DMD: variants seen among roughly 807,000 people sequenced by gnomAD.
DMD encodes the protein dystrophin.
A neutral mutation model predicts 330.1 loss-of-function variants in DMD; 63 were observed. The ratio of observed to expected loss-of-function variants is 0.19; its 90% CI spans 0.16 to 0.24. DMD has a LOEUF of 0.24. Ranked by LOEUF, DMD falls within the 10% of genes least tolerant of loss-of-function variation. The pLI is 1.00. For synonymous variants in DMD, 1,223 were observed against 959.8 expected (o/e 1.27, Z -5.07); for missense variants, 3,344 against 2,684.1 (o/e 1.25, Z -5.43).
At chrX:32,875,061 GA>G (rs1282466261) in intron 2 of DMD, among the ~76,000 whole-genome samples, 1 of 112,076 alleles carries the variant, frequency 8.9e-6, no homozygotes, top group Non-Finnish European at 1.9e-5. Context: ...AAAGATAAAA[GA>G]GATGTTATTT....
chrX:31,217,791 A>AGTT (rs2045569420), intron 64 of DMD, among the ~76,000 whole-genome samples: 1 of 112,323 alleles, frequency 8.9e-6, no homozygotes, highest in African/African-American at 3.2e-5. Flanking sequence ...TTCATTCTAT[A>AGTT]GTTTTACTAT....
Position 31,204,129 on chromosome X carries a change from A to C in DMD, c.9650-11T>G. On this transcript the variant is annotated splice_polypyrimidine_tract_variant and intron_variant, in intron 66 of 78. Coordinates refer to ENST00000357033, the MANE Select transcript of DMD (RefSeq NM_004006.3). ...CTTGCTTGAAAAGGTCTACAAAGGA[A>C]GAAGAAAATTGCAACAGTCAAAACA... The C allele has an allele frequency of 8.3e-7, 1 of 1,209,399 alleles. No individual in the cohort carries two copies. The highest frequency in any genetic ancestry group is 1.1e-6 in the Non-Finnish European group (1 of 893,658).
chrX:31,179,347 C>T (rs1201349486), intron 69 of DMD, among the ~76,000 whole-genome samples: 1 of 112,592 alleles, frequency 8.9e-6, no homozygotes, highest in Non-Finnish European at 1.9e-5. Context: ...CAGAGCTTCT[C>T]ATACTTTGTT....
intron 46 of DMD, 43 bp from the exon 47 acceptor site, chrX:31,929,788 A>G: frequency 8.4e-7 from 1 of 1,197,362 alleles, no homozygotes; most frequent in Non-Finnish European, 1.1e-6. Flanking sequence ...GAATTACAGC[A>G]CAATTCCAAC....
chrX:32,500,871 A>G (rs191166466), intron 19 of DMD, among the ~76,000 whole-genome samples: 35 of 112,207 alleles, frequency 3.1e-4, no homozygotes, highest in Non-Finnish European at 5.5e-4. Flanking sequence ...GGCAAAAAAT[A>G]ACTTATACAC....
At chrX:32,340,131 C>A (rs182992754) in intron 41 of DMD, among the ~76,000 whole-genome samples, 5 of 111,633 alleles carry the variant, frequency 4.5e-5, no homozygotes, top group East Asian at 5.6e-4. Context: ...TATCTATCTA[C>A]CTACCAACCT....
chrX:32,859,509 AC>A (rs2081909466), intron 2 of DMD, among the ~76,000 whole-genome samples: 1 of 96,757 alleles, frequency 1.0e-5, no homozygotes, highest in Non-Finnish European at 2.0e-5. Context: ...ACACACACAC[AC>A]AAGTTAAAGT....
intron 6 of DMD, among the ~76,000 whole-genome samples, chrX:32,814,855 A>G (rs2077606010): frequency 9.0e-6 from 1 of 111,678 alleles, no homozygotes; most frequent in Non-Finnish European, 1.9e-5. Context: ...GAGAGCCAAC[A>G]AGGACCACAT....
At chrX:32,552,476 G>T (rs1301149820) in intron 16 of DMD, among the ~76,000 whole-genome samples, 1 of 111,564 alleles carries the variant, frequency 9.0e-6, no homozygotes, top group Non-Finnish European at 1.9e-5. Flanking sequence ...AACCTAAGAA[G>T]ATAACCCAGG....
chrX:31,474,519 T>C (rs2067577487), intron 59 of DMD, among the ~76,000 whole-genome samples: 1 of 103,191 alleles, frequency 9.7e-6, no homozygotes, highest in Non-Finnish European at 2.0e-5. Context: ...CTGGCCAACA[T>C]GGTGAAACCC....
chrX:31,546,147 G>A (rs5972406), intron 55 of DMD, among the ~76,000 whole-genome samples: 12,323 of 112,011 alleles, frequency 0.11, 714 homozygotes, highest in African/African-American at 0.21. Context: ...GACAAAAACA[G>A]CAATGGCAGC....
chrX:32,840,819 C>T (rs1266018494), intron 4 of DMD, among the ~76,000 whole-genome samples: 4 of 111,939 alleles, frequency 3.6e-5, no homozygotes, highest in Non-Finnish European at 7.5e-5. Context: ...ATAGTCACTT[C>T]CAGTTTGGGC....
At chrX:31,145,613 C>A (rs2036587827) in intron 76 of DMD, among the ~76,000 whole-genome samples, 2 of 110,169 alleles carry the variant, frequency 1.8e-5, no homozygotes, top group South Asian at 7.9e-4. Flanking sequence ...CCTCTCCCTT[C>A]ATTCCTCTTC....
chrX:32,281,809 A>T (rs2097421745), intron 43 of DMD, among the ~76,000 whole-genome samples: 1 of 111,706 alleles, frequency 9.0e-6, no homozygotes, highest in Non-Finnish European at 1.9e-5. Flanking sequence ...TTCTTTCTCT[A>T]ATTTTTTTAG....
At chrX:32,035,232 A>T (rs893645069) in intron 44 of DMD, among the ~76,000 whole-genome samples, 3 of 111,667 alleles carry the variant, frequency 2.7e-5, no homozygotes, top group Admixed American at 9.6e-5. Flanking sequence ...TACTCAACTG[A>T]TCCTGAAGTT....
Position 33,205,320 on chromosome X carries a change from A to G in DMD, c.31+5962T>C, listed in dbSNP as rs1440702392. ...ATACATCGTTCTTAAGCACCAACAT[A>G]AAAAGGAATTACTCAATTTGCCTTT... is the stretch of plus-strand genomic sequence containing the variant. On this transcript the variant is annotated intron_variant, in intron 1 of 78. Transcript: ENST00000357033. 2.7e-5 allele frequency among the ~76,000 whole-genome samples: 3 copies of G among 112,493 alleles called. No individual in the cohort carries two copies. In the East Asian group the frequency reaches 8.3e-4, roughly 31 times the overall value.
chrX:32,526,572 T>TACAA (rs1281004921), intron 17 of DMD, among the ~76,000 whole-genome samples: 1 of 111,688 alleles, frequency 9.0e-6, no homozygotes, highest in Admixed American at 9.6e-5. Flanking sequence ...TATTATATTG[T>TACAA]ACAAACAGAC....
intron 4 of DMD, among the ~76,000 whole-genome samples, chrX:32,823,730 C>CCA (rs1569529228): frequency 9.0e-6 from 1 of 111,577 alleles, no homozygotes; most frequent in African/African-American, 3.3e-5. Context: ...ACCAGTACTT[C>CCA]CACCTAGCTC....
At chrX:32,952,410 G>T (rs1344246360) in intron 2 of DMD, among the ~76,000 whole-genome samples, 1 of 111,418 alleles carries the variant, frequency 9.0e-6, no homozygotes, top group Non-Finnish European at 1.9e-5. Flanking sequence ...GGGATTACAG[G>T]CCTGAGCCAC....
Sources: allele counts gnomAD v4.1 joint callset (sites outside exome capture counted in the v4.1 genomes callset), GRCh38; gene constraint gnomAD v4.1.1; transcripts MANE v1.5; gene names NCBI Gene and HGNC (gene_info 2026-07-23, HGNC 2026-07-21).